SH3GL2: variants seen among roughly 807,000 people sequenced by gnomAD.
SH3GL2 encodes the protein endophilin-A1.
Under a neutral mutation model 46.0 loss-of-function variants are expected in SH3GL2, and 24 were observed. The observed-to-expected ratio is 0.52, with a 90% CI of 0.38 to 0.73. SH3GL2 has a LOEUF of 0.73. SH3GL2 is among the 30% of genes least tolerant of loss of function. SH3GL2 has a pLI of 0.00. For missense variants in SH3GL2, 413 were observed against 424.2 expected (o/e 0.97, Z 0.23); for synonymous variants, 196 against 147.1 (o/e 1.33, Z -2.40).
chr9:17,738,977 T>C (rs1822443721), intron 1 of SH3GL2, among the ~76,000 whole-genome samples: 2 of 152,148 alleles, frequency 1.3e-5, no homozygotes, highest in African/African-American at 4.8e-5. Context: ...GTGGATACTG[T>C]AGACTTGCGA....
intron 1 of SH3GL2, among the ~76,000 whole-genome samples, chr9:17,593,486 C>T (rs1344139595): frequency 6.6e-6 from 1 of 151,996 alleles, no homozygotes; most frequent in Non-Finnish European, 1.5e-5. Flanking sequence ...ATAGTCTGTG[C>T]TGGGTATTTT....
chr9:17,706,893 C>T (rs1442274357), intron 1 of SH3GL2, among the ~76,000 whole-genome samples: 3 of 151,928 alleles, frequency 2.0e-5, no homozygotes, highest in Non-Finnish European at 4.4e-5. Context: ...TTTACCTCAA[C>T]AAAATAGTAA....
chr9:17,771,891 G>A, intron 3 of SH3GL2, among the ~76,000 whole-genome samples: 1 of 123,160 alleles, frequency 8.1e-6, no homozygotes, highest in East Asian at 2.3e-4. Context: ...GTCTATTTGT[G>A]TAAGTCAGTA....
intron 3 of SH3GL2, among the ~76,000 whole-genome samples, chr9:17,761,879 G>A (rs917987570): frequency 6.6e-6 from 1 of 152,206 alleles, no homozygotes; most frequent in Non-Finnish European, 1.5e-5. Flanking sequence ...ATTCCCAGAA[G>A]ATGTGAAAAA....
chr9:17,754,962 T>G (rs2131142047), intron 2 of SH3GL2, among the ~76,000 whole-genome samples: 1 of 152,302 alleles, frequency 6.6e-6, no homozygotes, highest in South Asian at 2.1e-4. Context: ...CTCTTCCTAC[T>G]TGGATGTGCT....
chr9:17,751,414 G>C (rs73642210), intron 2 of SH3GL2, among the ~76,000 whole-genome samples: 4,058 of 151,966 alleles, frequency 0.027, 184 homozygotes, highest in African/African-American at 0.094. Context: ...ATAGATTCTG[G>C]CTCAATATAA....
intron 1 of SH3GL2, among the ~76,000 whole-genome samples, chr9:17,634,130 C>T (rs1325134411): frequency 6.6e-6 from 1 of 152,060 alleles, no homozygotes; most frequent in South Asian, 2.1e-4. Context: ...AGGGAGTATC[C>T]TCATCTGTAC....
At chr9:17,720,256 A>G (rs566466900) in intron 1 of SH3GL2, among the ~76,000 whole-genome samples, 2 of 152,246 alleles carry the variant, frequency 1.3e-5, no homozygotes, top group East Asian at 3.9e-4. Flanking sequence ...GGGACAAAAG[A>G]AGAAAGTTAC....
intron 1 of SH3GL2, among the ~76,000 whole-genome samples, chr9:17,657,515 T>A (rs1820115265): frequency 6.6e-6 from 1 of 152,192 alleles, no homozygotes; most frequent in Non-Finnish European, 1.5e-5. Context: ...TTTAAGCAAG[T>A]CATTTACGTT....
intron 1 of SH3GL2, among the ~76,000 whole-genome samples, chr9:17,622,929 G>A (rs1819177500): frequency 6.6e-6 from 1 of 151,392 alleles, no homozygotes. Flanking sequence ...AATTATACCT[G>A]CTCCTTCCTT....
At chr9:17,767,484 A>T (rs1269165534) in intron 3 of SH3GL2, among the ~76,000 whole-genome samples, 1 of 152,230 alleles carries the variant, frequency 6.6e-6, no homozygotes, top group Non-Finnish European at 1.5e-5. Flanking sequence ...AAATGAATAC[A>T]TGTATTACTT....
At position 17,596,750 on chromosome 9, in the gene SH3GL2, C is replaced by A. The variant is rs574095716; in HGVS notation, c.45+17463C>A. On this transcript the variant is annotated intron_variant, in intron 1 of 8. Coordinates refer to ENST00000380607, the MANE Select transcript of SH3GL2 (RefSeq NM_003026.5). The stretch of plus-strand genomic sequence containing the variant: ...GCCATAAATGGTAAAATAATATATT[C>A]TTCTCAGCAACCCAAACAAAATACA... Among the ~76,000 whole-genome samples, 4 of 152,294 alleles carry A rather than the reference C, an allele frequency of 2.6e-5. No homozygotes were observed. In the East Asian group the frequency reaches 7.7e-4, roughly 29 times the overall value.
At chr9:17,641,312 C>G (rs1387801786) in intron 1 of SH3GL2, among the ~76,000 whole-genome samples, 1 of 152,062 alleles carries the variant, frequency 6.6e-6, no homozygotes, top group East Asian at 1.9e-4. Context: ...GCTCAAGGGA[C>G]AGATGTATGA....
At chr9:17,603,409 C>T (rs1818705664) in intron 1 of SH3GL2, among the ~76,000 whole-genome samples, 1 of 152,066 alleles carries the variant, frequency 6.6e-6, no homozygotes, top group African/African-American at 2.4e-5. Flanking sequence ...CTCTGTGATC[C>T]CACTTATAAG....
chr9:17,645,182 T>TTTTTTTTTTTTTTTTTTTTTTTTTTTA lies in SH3GL2; in HGVS notation c.45+65895_45+65896insTTTTTTTTTTTTTTTTTTTTTTTTTTA, dbSNP rs1819781790. Among the ~76,000 whole-genome samples the TTTTTTTTTTTTTTTTTTTTTTTTTTTA allele has an allele frequency of 1.6e-4, 12 of 72,762 alleles. 1 individual carries two copies. The highest frequency in any genetic ancestry group is 2.9e-4 in the Non-Finnish European group (10 of 34,900). The allele number at this position is 72,762 out of a possible 152,430, so 47.7% of individuals were successfully genotyped here. On this transcript the variant is annotated intron_variant, in intron 1 of 8. Coordinates refer to ENST00000380607, the MANE Select transcript of SH3GL2 (RefSeq NM_003026.5). Reference sequence around the variant, plus strand: ...TTTTTTTTTTTTTTTTTTTTTTTTTTGCTTTCCATTGCTTGGTAAATCTTC... The same window carrying TTTTTTTTTTTTTTTTTTTTTTTTTTTA: ...TTTTTTTTTTTTTTTTTTTTTTTTTTTTTTTTTTTTTTTTTTTTTTTTTTTTAGCTTTCCATTGCTTGGTAAATCTTC...
intron 1 of SH3GL2, among the ~76,000 whole-genome samples, chr9:17,667,322 A>G (rs1820369022): frequency 6.6e-6 from 1 of 152,130 alleles, no homozygotes; most frequent in Non-Finnish European, 1.5e-5. Flanking sequence ...CTAATTCTAG[A>G]GCATTTTCAT....
intron 1 of SH3GL2, among the ~76,000 whole-genome samples, chr9:17,707,146 C>T (rs544164122): frequency 2.6e-4 from 39 of 152,134 alleles, no homozygotes; most frequent in South Asian, 6.2e-4. Context: ...ATCCTGACTG[C>T]AACACACACA....
chr9:17,715,598 G>A lies in SH3GL2; in HGVS notation c.46-31468G>A, dbSNP rs189879261. Reference sequence around the variant, plus strand: ...TCATTTTTCCTGCAAGACCTCCCGTGGTTAATACCATCCAGCATATTATTT... The same window carrying A: ...TCATTTTTCCTGCAAGACCTCCCGTAGTTAATACCATCCAGCATATTATTT... On this transcript the variant is annotated intron_variant, in intron 1 of 8. Coordinates refer to ENST00000380607, the MANE Select transcript of SH3GL2 (RefSeq NM_003026.5). Among the ~76,000 whole-genome samples the A allele has an allele frequency of 1.2e-3, 177 of 151,752 alleles. 1 individual carries two copies. The highest frequency in any genetic ancestry group is 6.6e-4 in the Non-Finnish European group (45 of 67,846).
Position 17,621,852 on chromosome 9 carries a change from C to G in SH3GL2, c.45+42565C>G, listed in dbSNP as rs145970314. On this transcript the variant is annotated intron_variant, in intron 1 of 8. Coordinates refer to ENST00000380607, the MANE Select transcript of SH3GL2 (RefSeq NM_003026.5). ...GCAAAACTAGGATAACTCTTTTGCA[C>G]TTGCAGTATGCCATAAGTGCCGCAG... 3.3e-5 allele frequency among the ~76,000 whole-genome samples: 5 copies of G among 152,320 alleles called. No individual in the cohort carries two copies. In the South Asian group the frequency reaches 8.3e-4, roughly 25 times the overall value.
Sources: allele counts gnomAD v4.1 joint callset (sites outside exome capture counted in the v4.1 genomes callset), GRCh38; gene constraint gnomAD v4.1.1; transcripts MANE v1.5; gene names NCBI Gene and HGNC (gene_info 2026-07-23, HGNC 2026-07-21).